The following EPHB1 variants were observed in gnomAD, a reference collection of about 807,000 sequenced individuals.
The protein encoded by EPHB1 is ephrin type-B receptor 1.
EPHB1 carries 30 observed loss-of-function variants against 94.4 expected under a neutral mutation model. The ratio of observed to expected loss-of-function variants is 0.32; its 90% CI spans 0.24 to 0.43. The LOEUF (loss-of-function observed/expected upper bound fraction) is 0.43, where lower values mean the gene tolerates loss of function less well. Ranked by LOEUF, EPHB1 falls within the 20% of genes least tolerant of loss-of-function variation. The pLI is 1.00. For synonymous variants in EPHB1, 522 were observed against 489.1 expected, an observed-to-expected ratio of 1.07 and a Z score of -0.89; for missense variants, 1,055 against 1,308.3, an observed-to-expected ratio of 0.81 and a Z score of 2.99.
At chr3:134,823,015 G>C (rs1204633909) in intron 1 of EPHB1, among the ~76,000 whole-genome samples, 2 of 152,290 alleles carry the variant, frequency 1.3e-5, no homozygotes, top group East Asian at 3.9e-4. Context: ...GTTGTTGCGA[G>C]GGGTACATGA....
chr3:135,039,156 C>T (rs1422968952), intron 3 of EPHB1, among the ~76,000 whole-genome samples: 25 of 151,504 alleles, frequency 1.7e-4, no homozygotes, highest in Admixed American at 1.6e-3. Context: ...GAGCTAGATA[C>T]AGAGTGCCGA....
chr3:134,991,886 T>G (rs915962881), intron 3 of EPHB1, among the ~76,000 whole-genome samples: 1 of 152,050 alleles, frequency 6.6e-6, no homozygotes, highest in Non-Finnish European at 1.5e-5. Context: ...AGCTCTCTGC[T>G]CCCCATGGTA....
chr3:134,953,326 C>T (rs1411856048), intron 3 of EPHB1, among the ~76,000 whole-genome samples: 2 of 152,260 alleles, frequency 1.3e-5, no homozygotes, highest in Non-Finnish European at 2.9e-5. Context: ...TTCCTGAGGC[C>T]TGCTGAGAAC....
intron 5 of EPHB1, among the ~76,000 whole-genome samples, chr3:135,144,634 C>T (rs1940949522): frequency 6.6e-6 from 1 of 152,180 alleles, no homozygotes; most frequent in Non-Finnish European, 1.5e-5. Flanking sequence ...CAGCCACCAA[C>T]CCTCAACCCC....
chr3:135,239,113 G>A (rs1024597250), intron 12 of EPHB1, among the ~76,000 whole-genome samples: 13 of 152,192 alleles, frequency 8.5e-5, no homozygotes, highest in African/African-American at 3.1e-4. Flanking sequence ...GCTGGCATTT[G>A]AGCTGAGGAC....
chr3:135,202,201 C>A (rs1942776228), intron 12 of EPHB1, among the ~76,000 whole-genome samples: 1 of 152,218 alleles, frequency 6.6e-6, no homozygotes, highest in South Asian at 2.1e-4. Flanking sequence ...TCCCCCTCTA[C>A]ATTCTGAGCA....
intron 3 of EPHB1, among the ~76,000 whole-genome samples, chr3:135,087,926 C>T (rs6803014): frequency 0.03 from 4,620 of 152,208 alleles, 220 homozygotes; most frequent in African/African-American, 0.1. Context: ...GAGCAGGTCT[C>T]TGTAGAATAC....
chr3:134,830,216 A>G (rs1166187314), intron 1 of EPHB1, among the ~76,000 whole-genome samples: 1 of 152,186 alleles, frequency 6.6e-6, no homozygotes, highest in Admixed American at 6.5e-5. Context: ...AGTTGCAGAC[A>G]TATGCCCATT....
intron 3 of EPHB1, among the ~76,000 whole-genome samples, chr3:135,021,670 T>C (rs963299022): frequency 8.5e-5 from 13 of 152,232 alleles, no homozygotes; most frequent in Non-Finnish European, 4.4e-5. Context: ...CATTTCTTAT[T>C]GCCCTGGTCT....
chr3:134,822,342 C>A (rs1421400768), intron 1 of EPHB1, among the ~76,000 whole-genome samples: 1 of 152,146 alleles, frequency 6.6e-6, no homozygotes, highest in African/African-American at 2.4e-5. Context: ...TTCCTGGGCC[C>A]CTGGCCTCTC....
chr3:135,260,336 C>T lies in EPHB1; in HGVS notation c.*1216C>T. ...TCTCTTTACATTCCTTGTTGTACCTCATTGTTCAATTCACTTTTGTAAATT... is the reference window on the plus strand; with the variant it reads ...TCTCTTTACATTCCTTGTTGTACCTTATTGTTCAATTCACTTTTGTAAATT... On this transcript the variant is annotated 3_prime_UTR_variant, in exon 16 of 16. Transcript: ENST00000398015. The T allele has an allele frequency of 4.3e-6, 1 of 232,382 alleles. No individual in the cohort carries two copies. Among genetic ancestry groups the T allele is most frequent in the Non-Finnish European group, 8.5e-6 (1 of 117,282 alleles). 14.4% of individuals were successfully genotyped at this position (232,382 alleles called of 1,614,324 possible). A position where few individuals can be genotyped will look rare whatever the true frequency, so the allele number is the denominator to read the frequency against.
At chr3:134,843,099 C>T (rs774577345) in intron 1 of EPHB1, among the ~76,000 whole-genome samples, 59 of 152,162 alleles carry the variant, frequency 3.9e-4, no homozygotes, top group Non-Finnish European at 7.8e-4. Context: ...GACAAATTTT[C>T]TGGCTTTGGT....
At chr3:135,152,845 T>C (rs975767501) in intron 5 of EPHB1, among the ~76,000 whole-genome samples, 7 of 152,116 alleles carry the variant, frequency 4.6e-5, no homozygotes, top group Admixed American at 1.3e-4. Context: ...TGTTAGTTAA[T>C]TACTCTTCAA....
At chr3:134,875,487 G>T (rs538856541) in intron 1 of EPHB1, among the ~76,000 whole-genome samples, 5 of 152,114 alleles carry the variant, frequency 3.3e-5, no homozygotes, top group Non-Finnish European at 7.4e-5. Flanking sequence ...GCGGTTGATG[G>T]CCTTTAGAAG....
chr3:135,042,121 G>A (rs1414392673), intron 3 of EPHB1, among the ~76,000 whole-genome samples: 1 of 152,132 alleles, frequency 6.6e-6, no homozygotes, highest in Non-Finnish European at 1.5e-5. Context: ...TTGTAGAGAT[G>A]AAGTTTTGCC....
chr3:135,143,470 G>A (rs1271157628), intron 5 of EPHB1, among the ~76,000 whole-genome samples: 1 of 152,166 alleles, frequency 6.6e-6, no homozygotes, highest in South Asian at 2.1e-4. Context: ...CTGCATTAGG[G>A]GTTTGGCTGA....
intron 3 of EPHB1, among the ~76,000 whole-genome samples, chr3:135,081,285 G>GA (rs1002094046): frequency 2.8e-4 from 43 of 152,048 alleles, no homozygotes; most frequent in African/African-American, 5.8e-4. Context: ...AGCTACTTTA[G>GA]AAAAAAAACC....
intron 2 of EPHB1, among the ~76,000 whole-genome samples, chr3:134,938,516 T>C (rs2039053547): frequency 6.6e-6 from 1 of 152,120 alleles, no homozygotes; most frequent in African/African-American, 2.4e-5. Context: ...GGCCAACACC[T>C]CAGCTGCCTG....
intron 3 of EPHB1, among the ~76,000 whole-genome samples, chr3:135,007,921 G>A (rs928711487): frequency 2.0e-5 from 3 of 152,184 alleles, no homozygotes; most frequent in Admixed American, 1.3e-4. Flanking sequence ...CAGGGATGAC[G>A]GGACACAGTT....
Sources: gnomAD v4.1 joint callset for allele counts (sites outside exome capture counted in the v4.1 genomes callset) on GRCh38, gnomAD v4.1.1 for gene constraint, MANE v1.5 for transcripts, NCBI Gene and HGNC (gene_info 2026-07-23, HGNC 2026-07-21) for gene names.